The following XPR1 variants were observed in gnomAD, a reference collection of about 807,000 sequenced individuals.
XPR1 encodes the protein solute carrier family 53 member 1.
In XPR1, 28 loss-of-function variants were observed where a neutral mutation model predicts 87.5. The ratio of observed to expected loss-of-function variants is 0.32; its 90% confidence interval spans 0.24 to 0.44. XPR1 has a LOEUF of 0.44. Ranked by LOEUF, XPR1 falls within the 20% of genes least tolerant of loss-of-function variation. XPR1 has a pLI of 1.00. For synonymous variants in XPR1, 300 were observed against 306.1 expected (o/e 0.98, Z 0.21); for missense variants, 559 against 862.3 (o/e 0.65, Z 4.41).
chr1:180,858,360 TC>T (rs1652103302), intron 11 of XPR1, among the ~76,000 whole-genome samples: 1 of 152,350 alleles, frequency 6.6e-6, no homozygotes, highest in East Asian at 1.9e-4. Flanking sequence ...TCTGTTTTTT[TC>T]CCATAAACAT....
In XPR1 at chr1:180,787,686, T is replaced by A. The variant is rs891684281; in HGVS notation, c.122-67T>A. The A allele has an allele frequency of 2.2e-5, 24 of 1,115,834 alleles. No homozygotes were observed. In the East Asian group the frequency reaches 5.4e-4, roughly 25 times the overall value. 69.1% of individuals were successfully genotyped at this position (1,115,834 alleles called of 1,614,324 possible). On this transcript the variant is annotated intron_variant, in intron 2 of 14. Coordinates refer to ENST00000367590, the MANE Select transcript of XPR1 (RefSeq NM_004736.4). ...AAAACTCAAAAAGTAATCTTAGTTT[T>A]TGTTTCCTTAGTTTTCTCAATTGGC...
Position 180,816,642 on chromosome 1 carries a change from A to G in XPR1, c.763+5154A>G, listed in dbSNP as rs1315231611. Among the ~76,000 whole-genome samples the G allele has an allele frequency of 7.2e-5, 11 of 152,320 alleles. No individual in the cohort carries two copies. In the East Asian group the frequency reaches 2.1e-3, roughly 29 times the overall value. On this transcript the variant is annotated intron_variant, in intron 7 of 14. Coordinates refer to ENST00000367590, the MANE Select transcript of XPR1 (RefSeq NM_004736.4). The stretch of plus-strand genomic sequence containing the variant: ...CCCATAAGATTATAATGGAACTGAA[A>G]AATTGCTGTTGCATAATGGACGGCA...
At chr1:180,653,276 A>T (rs1655351439) in intron 1 of XPR1, among the ~76,000 whole-genome samples, 2 of 152,172 alleles carry the variant, frequency 1.3e-5, no homozygotes. Flanking sequence ...TGTAGAGGTA[A>T]AAATCATTGG....
intron 1 of XPR1, among the ~76,000 whole-genome samples, chr1:180,656,404 T>TATATTTATATATAAATA (rs1655480390): frequency 5.9e-4 from 28 of 47,092 alleles, no homozygotes; most frequent in African/African-American, 2.7e-3. Context: ...TATATAAATA[T>TATATTTATATATAAATA]TTATATATTT....
chr1:180,739,675 T>TA (rs1557983278), intron 2 of XPR1, among the ~76,000 whole-genome samples: 1 of 152,200 alleles, frequency 6.6e-6, no homozygotes, highest in African/African-American at 2.4e-5. Flanking sequence ...TATTTCCTTT[T>TA]AAAAAATCTG....
At position 180,821,757 on chromosome 1, in the gene XPR1, A is replaced by G. The variant is rs528486759; in HGVS notation, c.764-2996A>G. ...ATACAGGTCTTTCACTTACTTGGTA[A>G]AAGTTATTTCTAGATGTTTTATTCT... On this transcript the variant is annotated intron_variant, in intron 7 of 14. Transcript: ENST00000367590. Among the ~76,000 whole-genome samples the G allele has an allele frequency of 2.6e-5, 4 of 152,300 alleles. No individual in the cohort carries two copies. In the South Asian group the frequency reaches 8.3e-4, roughly 32 times the overall value.
At chr1:180,799,205 C>T (rs1649695505) in intron 3 of XPR1, among the ~76,000 whole-genome samples, 1 of 152,192 alleles carries the variant, frequency 6.6e-6, no homozygotes, top group African/African-American at 2.4e-5. Flanking sequence ...AACTAACCAA[C>T]AGTCAGAGTT....
At chr1:180,728,942 C>T (rs1189831639) in intron 2 of XPR1, among the ~76,000 whole-genome samples, 1 of 152,120 alleles carries the variant, frequency 6.6e-6, no homozygotes, top group African/African-American at 2.4e-5. Flanking sequence ...TTTCATCAGC[C>T]AGGTAATAAG....
intron 2 of XPR1, among the ~76,000 whole-genome samples, chr1:180,714,377 C>A (rs891797157): frequency 7.2e-6 from 1 of 138,242 alleles, no homozygotes; most frequent in Non-Finnish European, 1.5e-5. Context: ...CTCTCTCTCT[C>A]TCTCTCTCTC....
At chr1:180,634,651 G>C (rs954548230) in intron 1 of XPR1, among the ~76,000 whole-genome samples, 1 of 152,084 alleles carries the variant, frequency 6.6e-6, no homozygotes, top group African/African-American at 2.4e-5. Context: ...TGTTTTTCAA[G>C]CACTGGTGGT....
chr1:180,711,601 G>A (rs1011491511), intron 2 of XPR1, among the ~76,000 whole-genome samples: 8 of 152,030 alleles, frequency 5.3e-5, no homozygotes, highest in Non-Finnish European at 7.4e-5. Context: ...GAGGGAGACC[G>A]TGGGGAGGGG....
chr1:180,660,040 TCTTA>T (rs1273489167), intron 1 of XPR1, among the ~76,000 whole-genome samples: 6 of 152,144 alleles, frequency 3.9e-5, no homozygotes, highest in East Asian at 1.9e-4. Context: ...GCTTCAATCT[TCTTA>T]CTTGTTATTG....
intron 2 of XPR1, among the ~76,000 whole-genome samples, chr1:180,691,260 CTT>C: frequency 6.6e-6 from 1 of 152,132 alleles, no homozygotes; most frequent in East Asian, 1.9e-4. Flanking sequence ...AGTATGCCTC[CTT>C]TCAAAGATAC....
intron 2 of XPR1, among the ~76,000 whole-genome samples, chr1:180,782,425 C>T (rs1263863568): frequency 2.0e-5 from 3 of 151,894 alleles, no homozygotes; most frequent in Non-Finnish European, 4.4e-5. Flanking sequence ...AGGCAGAATT[C>T]GTTTCTAGTA....
At chr1:180,842,327 T>C (rs1235739485) in intron 11 of XPR1, among the ~76,000 whole-genome samples, 1 of 152,226 alleles carries the variant, frequency 6.6e-6, no homozygotes, top group African/African-American at 2.4e-5. Flanking sequence ...TTTGTAAAAA[T>C]TGAGATGTAA....
intron 2 of XPR1, among the ~76,000 whole-genome samples, chr1:180,724,684 CACA>C (rs1658278003): frequency 6.6e-6 from 1 of 151,980 alleles, no homozygotes; most frequent in Non-Finnish European, 1.5e-5. Flanking sequence ...CTCATTGAAG[CACA>C]ACAATGACCA....
chr1:180,692,732 C>A (rs3897798), intron 2 of XPR1, among the ~76,000 whole-genome samples: 86,018 of 151,886 alleles, frequency 0.57, 24,839 homozygotes, highest in Non-Finnish European at 0.62. Flanking sequence ...ATATCTACTT[C>A]TTTTTCACAG....
intron 2 of XPR1, among the ~76,000 whole-genome samples, chr1:180,710,560 TCTTAGTA>T (rs1657728491): frequency 6.6e-6 from 1 of 152,286 alleles, no homozygotes; most frequent in African/African-American, 2.4e-5. Context: ...GAAGAATTTT[TCTTAGTA>T]CAGAACAAAA....
intron 9 of XPR1, among the ~76,000 whole-genome samples, chr1:180,832,016 G>A (rs189909914): frequency 6.6e-6 from 1 of 152,326 alleles, no homozygotes; most frequent in East Asian, 1.9e-4. Context: ...CCCACCAACA[G>A]TGTAAAAGCA....
Sources: allele counts gnomAD v4.1 joint callset (sites outside exome capture counted in the v4.1 genomes callset), GRCh38; gene constraint gnomAD v4.1.1; transcripts MANE v1.5; gene names NCBI Gene and HGNC (gene_info 2026-07-23, HGNC 2026-07-21).